Variants in GRM5 observed in about 807,000 individuals in gnomAD.
The protein encoded by GRM5 is metabotropic glutamate receptor 5.
Under a neutral mutation model 83.1 loss-of-function variants are expected in GRM5, and 19 were observed. The ratio of observed to expected loss-of-function variants is 0.23; its 90% CI spans 0.16 to 0.34. The LOEUF (loss-of-function observed/expected upper bound fraction) is 0.34, where lower values mean the gene tolerates loss of function less well. Among genes scored for constraint, GRM5 ranks in the 10% least tolerant of loss-of-function variants. The pLI is 1.00. For synonymous variants in GRM5, 675 were observed against 633.6 expected (o/e 1.07, Z -0.98); for missense variants, 1,160 against 1,588.3 (o/e 0.73, Z 4.58).
chr11:88,943,034 C>T (rs1270566143), intron 2 of GRM5, among the ~76,000 whole-genome samples: 2 of 151,936 alleles, frequency 1.3e-5, no homozygotes, highest in African/African-American at 4.8e-5. Context: ...ACAAGTGGTC[C>T]CATATGAGTA....
intron 3 of GRM5, among the ~76,000 whole-genome samples, chr11:88,847,635 A>C (rs1377748936): frequency 6.6e-6 from 1 of 152,206 alleles, no homozygotes; most frequent in Non-Finnish European, 1.5e-5. Flanking sequence ...GCAGGGAGAC[A>C]GTTTTAAAAT....
At chr11:88,982,788 C>T (rs868759580) in intron 2 of GRM5, among the ~76,000 whole-genome samples, 3 of 152,014 alleles carry the variant, frequency 2.0e-5, no homozygotes, top group Admixed American at 1.3e-4. Flanking sequence ...AGAAGTTGGC[C>T]GGGTGCAGTG....
intron 3 of GRM5, among the ~76,000 whole-genome samples, chr11:88,803,747 C>T (rs936014903): frequency 3.0e-4 from 45 of 151,720 alleles, no homozygotes; most frequent in Non-Finnish European, 6.3e-4. Context: ...AGTGAACAGG[C>T]AACCTACAAA....
At chr11:88,590,081 T>A (rs1447543125) in intron 7 of GRM5, among the ~76,000 whole-genome samples, 1 of 151,740 alleles carries the variant, frequency 6.6e-6, no homozygotes, top group East Asian at 1.9e-4. Context: ...AGAAAAAAAA[T>A]AAACAAGTAA....
chr11:88,617,546 G>A (rs897587356), intron 4 of GRM5, among the ~76,000 whole-genome samples: 7 of 152,150 alleles, frequency 4.6e-5, no homozygotes, highest in African/African-American at 1.7e-4. Flanking sequence ...CTACAAATCA[G>A]AGAGCATGGA....
At chr11:88,972,306 C>T (rs963400120) in intron 2 of GRM5, among the ~76,000 whole-genome samples, 2 of 152,234 alleles carry the variant, frequency 1.3e-5, no homozygotes, top group Non-Finnish European at 1.5e-5. Context: ...TAAGTTCCCT[C>T]ACCCTAAAAC....
intron 4 of GRM5, among the ~76,000 whole-genome samples, chr11:88,645,041 GA>G (rs1939400982): frequency 1.3e-5 from 2 of 152,082 alleles, no homozygotes; most frequent in South Asian, 4.1e-4. Flanking sequence ...GAATTGTTAA[GA>G]TAAACACACC....
intron 3 of GRM5, among the ~76,000 whole-genome samples, chr11:88,774,085 C>A (rs1379148291): frequency 6.6e-6 from 1 of 152,168 alleles, no homozygotes; most frequent in Non-Finnish European, 1.5e-5. Flanking sequence ...TATCCATGAG[C>A]ATGGAAAGTT....
chr11:88,736,191 C>G (rs1171196647), intron 3 of GRM5, among the ~76,000 whole-genome samples: 1 of 152,016 alleles, frequency 6.6e-6, no homozygotes, highest in East Asian at 1.9e-4. Flanking sequence ...ATAAGGTCAG[C>G]CTCAAGTACA....
At chr11:88,536,921 A>C (rs1942148537) in intron 8 of GRM5, among the ~76,000 whole-genome samples, 3 of 152,132 alleles carry the variant, frequency 2.0e-5, no homozygotes, top group Admixed American at 2.0e-4. Context: ...TATATCATTT[A>C]ATTTTCTTAA....
At chr11:88,744,829 G>A (rs904118315) in intron 3 of GRM5, among the ~76,000 whole-genome samples, 1 of 152,094 alleles carries the variant, frequency 6.6e-6, no homozygotes, top group African/African-American at 2.4e-5. Context: ...CATTTAAAAA[G>A]TGAAAACATT....
At chr11:88,558,599 C>G (rs996711658) in intron 8 of GRM5, among the ~76,000 whole-genome samples, 2 of 151,666 alleles carry the variant, frequency 1.3e-5, no homozygotes, top group African/African-American at 2.4e-5. Flanking sequence ...GTCAAGAGAT[C>G]GAGACCATCC....
chr11:88,558,799 CAAAAAAA>C (rs71265014), intron 8 of GRM5, among the ~76,000 whole-genome samples: 8 of 21,908 alleles, frequency 3.7e-4, no homozygotes, highest in Non-Finnish European at 7.8e-4. Context: ...GACTCCATCT[CAAAAAAA>C]AAAAAAAAAA....
chr11:88,627,807 A>G (rs1938844941), intron 4 of GRM5, among the ~76,000 whole-genome samples: 1 of 152,106 alleles, frequency 6.6e-6, no homozygotes, highest in Admixed American at 6.6e-5. Flanking sequence ...AATAAAGGTA[A>G]TCTCTCCCTC....
intron 3 of GRM5, among the ~76,000 whole-genome samples, chr11:88,829,545 A>C (rs1473924500): frequency 6.6e-6 from 1 of 152,200 alleles, no homozygotes. Context: ...AGTATCTAAA[A>C]TGATATAATA....
chr11:88,906,616 T>C (rs1945408060), intron 2 of GRM5, among the ~76,000 whole-genome samples: 2 of 152,192 alleles, frequency 1.3e-5, no homozygotes, highest in African/African-American at 2.4e-5. Flanking sequence ...TGTCAAAATA[T>C]AGGAAATTCT....
chr11:88,964,161 GC>G (rs1452950702), intron 2 of GRM5, among the ~76,000 whole-genome samples: 1 of 152,098 alleles, frequency 6.6e-6, no homozygotes, highest in Admixed American at 6.6e-5. Context: ...ATAGTAGGCA[GC>G]CCTGAAAAAG....
chr11:88,593,062 C>G (rs545041642), intron 6 of GRM5, among the ~76,000 whole-genome samples: 1 of 152,142 alleles, frequency 6.6e-6, no homozygotes, highest in African/African-American at 2.4e-5. Flanking sequence ...TCAAGGGATT[C>G]TCCCACCTCG....
At chr11:88,770,763 G>A (rs1332228114) in intron 3 of GRM5, among the ~76,000 whole-genome samples, 1 of 152,012 alleles carries the variant, frequency 6.6e-6, no homozygotes, top group African/African-American at 2.4e-5. Flanking sequence ...TACATTTTGG[G>A]GGCATCTAAT....
Sources: allele counts gnomAD v4.1 joint callset (sites outside exome capture counted in the v4.1 genomes callset), GRCh38; gene constraint gnomAD v4.1.1; transcripts MANE v1.5; gene names NCBI Gene and HGNC (gene_info 2026-07-23, HGNC 2026-07-21).